Variants in SLC23A2 observed in about 807,000 individuals in gnomAD.
The protein encoded by SLC23A2 is solute carrier family 23 member 2, also known as Na(+)/L-ascorbic acid transporter 2.
SLC23A2 carries 36 observed loss-of-function variants against 73.3 expected under a neutral mutation model. The ratio of observed to expected loss-of-function variants is 0.49; its 90% confidence interval spans 0.38 to 0.65. The LOEUF (loss-of-function observed/expected upper bound fraction) is 0.65. Ranked by LOEUF, SLC23A2 falls within the 30% of genes least tolerant of loss-of-function variation. SLC23A2 has a pLI of 0.00. For missense variants in SLC23A2, 507 were observed against 841.6 expected (o/e 0.60, Z 4.92); for synonymous variants, 343 against 327.3 (o/e 1.05, Z -0.52).
rs535555607 is a variant in SLC23A2, at chr20:4,958,559, C to CT, written c.-155+12233dup. Among the ~76,000 whole-genome samples, 732 of 149,212 alleles carry CT rather than the reference C, an allele frequency of 4.9e-3. 11 individuals carry two copies. Among genetic ancestry groups the CT allele is most frequent in the South Asian group, 0.033 (157 of 4,702 alleles). ...GCAGTAGCTGCAAATGTTTATTTAT[C>CT]TTTTTTTTTTGAGACCGGGTTATGA... is the stretch of plus-strand genomic sequence containing the variant. On this transcript the variant is annotated intron_variant, in intron 2 of 16. Transcript: ENST00000338244.
intron 2 of SLC23A2, among the ~76,000 whole-genome samples, chr20:4,933,881 A>G (rs970832920): frequency 5.3e-5 from 8 of 152,240 alleles, no homozygotes; most frequent in Non-Finnish European, 8.8e-5. Context: ...CAGGACTGCA[A>G]TAAGTTTGGA....
In SLC23A2 at chr20:4,855,782, G is replaced by T. The variant is rs1206751592; in HGVS notation, c.*1190C>A. The T allele has an allele frequency of 6.6e-6, 1 of 152,646 alleles. No homozygotes were observed. Among genetic ancestry groups the T allele is most frequent in the East Asian group, 1.9e-4 (1 of 5,184 alleles). The allele number at this position is 152,646 out of a possible 1,614,324, so 9.5% of individuals were successfully genotyped here. Reference sequence around the variant, plus strand: ...AAATTCACGTGTAACTTGACCCATGGTTTCTGGGCTCCGGTCCAGTAGTCA... The same window carrying T: ...AAATTCACGTGTAACTTGACCCATGTTTTCTGGGCTCCGGTCCAGTAGTCA... On this transcript the variant is annotated 3_prime_UTR_variant, in exon 17 of 17. Coordinates refer to ENST00000338244, the MANE Select transcript of SLC23A2 (RefSeq NM_005116.6).
intron 1 of SLC23A2, among the ~76,000 whole-genome samples, chr20:4,999,774 G>A (rs1316323775): frequency 6.6e-6 from 1 of 152,102 alleles, no homozygotes. Context: ...CACAGTCAGA[G>A]AATACAACTG....
chr20:4,991,527 G>C (rs548942341), intron 1 of SLC23A2, among the ~76,000 whole-genome samples: 1 of 152,124 alleles, frequency 6.6e-6, no homozygotes, highest in African/African-American at 2.4e-5. Context: ...TTCAAGACCA[G>C]CCTGACCAAT....
chr20:4,892,351 TA>T (rs1931363287), intron 6 of SLC23A2, among the ~76,000 whole-genome samples: 1 of 152,062 alleles, frequency 6.6e-6, no homozygotes, highest in African/African-American at 2.4e-5. Flanking sequence ...CATGCCCAGC[TA>T]ATTTCTGTAC....
intron 3 of SLC23A2, among the ~76,000 whole-genome samples, chr20:4,929,693 C>T (rs559640353): frequency 1.3e-5 from 2 of 152,088 alleles, no homozygotes; most frequent in East Asian, 1.9e-4. Context: ...CAGAAGTTAA[C>T]CAAATAAAAA....
intron 2 of SLC23A2, among the ~76,000 whole-genome samples, chr20:4,935,630 C>T (rs2086950835): frequency 6.6e-6 from 1 of 151,928 alleles, no homozygotes; most frequent in South Asian, 2.1e-4. Context: ...AATCCCATCT[C>T]AACTAAAAAT....
chr20:4,896,751 C>G (rs1321985255), intron 6 of SLC23A2, among the ~76,000 whole-genome samples: 2 of 152,190 alleles, frequency 1.3e-5, no homozygotes, highest in Non-Finnish European at 2.9e-5. Flanking sequence ...TCCTCACCCC[C>G]TATACTAAGT....
intron 2 of SLC23A2, among the ~76,000 whole-genome samples, chr20:4,970,551 A>C (rs1222336690): frequency 2.6e-5 from 4 of 152,024 alleles, no homozygotes; most frequent in African/African-American, 9.7e-5. Context: ...TAGATAATAT[A>C]GTGAGACCCC....
At chr20:4,948,347 A>T (rs2087148895) in intron 2 of SLC23A2, among the ~76,000 whole-genome samples, 1 of 152,044 alleles carries the variant, frequency 6.6e-6, no homozygotes, top group Admixed American at 6.6e-5. Context: ...TCCTCTCAAC[A>T]CCAACCACTT....
intron 1 of SLC23A2, among the ~76,000 whole-genome samples, chr20:4,980,614 C>A (rs1011200103): frequency 2.6e-5 from 4 of 151,800 alleles, no homozygotes; most frequent in Non-Finnish European, 5.9e-5. Context: ...TCACTGCAAC[C>A]TCCGCCTCCC....
At chr20:4,909,541 A>G (rs1188741105) in intron 4 of SLC23A2, among the ~76,000 whole-genome samples, 1 of 152,164 alleles carries the variant, frequency 6.6e-6, no homozygotes, top group Non-Finnish European at 1.5e-5. Context: ...GAGAATCCAC[A>G]GGGATCAAGT....
rs533239665 is a variant in SLC23A2, at chr20:4,924,900, T to C, written c.108+7555A>G. Reference sequence around the variant, plus strand: ...GTCTCCCACACCAGAATGAAAGCCCTGTGGCCAGGCAAAGTGGCTCCCACC... The same window carrying C: ...GTCTCCCACACCAGAATGAAAGCCCCGTGGCCAGGCAAAGTGGCTCCCACC... On this transcript the variant is annotated intron_variant, in intron 3 of 16. Transcript: ENST00000338244. 7.0e-4 allele frequency among the ~76,000 whole-genome samples: 106 copies of C among 152,286 alleles called. 1 individual carries two copies. Among genetic ancestry groups the C allele is most frequent in the African/African-American group, 2.5e-3 (103 of 41,578 alleles).
intron 1 of SLC23A2, among the ~76,000 whole-genome samples, chr20:4,999,278 G>C (rs138571525): frequency 2.0e-3 from 299 of 152,286 alleles, no homozygotes; most frequent in African/African-American, 6.6e-3. Context: ...CTTAGGCTCT[G>C]TGAGGGCAAA....
At chr20:4,901,975 T>C (rs1326727060) in intron 5 of SLC23A2, among the ~76,000 whole-genome samples, 1 of 152,216 alleles carries the variant, frequency 6.6e-6, no homozygotes, top group Non-Finnish European at 1.5e-5. Context: ...ATTCTACCTG[T>C]TCTTTTCTTC....
At chr20:4,880,060 G>T (rs996791965) in intron 9 of SLC23A2, among the ~76,000 whole-genome samples, 2 of 152,146 alleles carry the variant, frequency 1.3e-5, no homozygotes, top group African/African-American at 4.8e-5. Flanking sequence ...AGAATGTGCC[G>T]CAATACATCC....
At chr20:4,914,339 A>T (rs1469971093) in intron 3 of SLC23A2, among the ~76,000 whole-genome samples, 1 of 152,132 alleles carries the variant, frequency 6.6e-6, no homozygotes, top group Non-Finnish European at 1.5e-5. Flanking sequence ...ATACAATAAA[A>T]CACATGAAAA....
At chr20:4,906,674 A>T in intron 4 of SLC23A2, among the ~76,000 whole-genome samples, 1 of 152,244 alleles carries the variant, frequency 6.6e-6, no homozygotes, top group East Asian at 1.9e-4. Context: ...CAAAAAGATC[A>T]ATTTCATTAT....
chr20:4,969,620 T>C (rs2087531636), intron 2 of SLC23A2, among the ~76,000 whole-genome samples: 1 of 147,952 alleles, frequency 6.8e-6, no homozygotes. Flanking sequence ...GGTCTCACTC[T>C]GCCACCCAGG....
Sources: gnomAD v4.1 joint callset for allele counts (sites outside exome capture counted in the v4.1 genomes callset) on GRCh38, gnomAD v4.1.1 for gene constraint, MANE v1.5 for transcripts, NCBI Gene and HGNC (gene_info 2026-07-23, HGNC 2026-07-21) for gene names.